The following SERPINB13 variants were observed in gnomAD, a reference collection of about 807,000 sequenced individuals.
SERPINB13 encodes the protein serpin B13.
In SERPINB13, 26 loss-of-function variants were observed where a neutral mutation model predicts 31.2. The observed-to-expected ratio is 0.83, with a 90% CI of 0.61 to 1.15. The LOEUF is 1.15. Among genes scored for constraint, SERPINB13 ranks in the 50% most tolerant of loss-of-function variants. SERPINB13 has a pLI of 0.00. For synonymous variants in SERPINB13, 191 were observed against 172.4 expected (o/e 1.11, Z -0.85); for missense variants, 510 against 469.4 (o/e 1.09, Z -0.80).
intron 5 of SERPINB13, among the ~76,000 whole-genome samples, chr18:63,593,639 C>T (rs565341497): frequency 2.0e-5 from 3 of 152,094 alleles, no homozygotes; most frequent in African/African-American, 4.8e-5. Flanking sequence ...ATAGCTGATA[C>T]TTTAGTGTTA....
chr18:63,594,649 G>A (rs976866284), intron 6 of SERPINB13, 152 bp downstream of exon 6: 2 of 819,390 alleles, frequency 2.4e-6, no homozygotes. Context: ...GACTATCCTT[G>A]CCAACATGGT....
At position 63,597,505 on chromosome 18, in the gene SERPINB13, C is replaced by T. The variant is rs1019117422; in HGVS notation, c.*142C>T. On this transcript the variant is annotated 3_prime_UTR_variant, in exon 8 of 8. Coordinates refer to ENST00000344731, the MANE Select transcript of SERPINB13 (RefSeq NM_012397.4). The stretch of plus-strand genomic sequence containing the variant: ...GGCCATCAAATCAATGATTTAATGA[C>T]TCCAATAATGTGTGTGTTTATAACC... 40 of 855,782 alleles carry T rather than the reference C, an allele frequency of 4.7e-5. No homozygotes were observed. Among genetic ancestry groups the T allele is most frequent in the Non-Finnish European group, 6.3e-5 (35 of 558,402 alleles). The allele number at this position is 855,782 out of a possible 1,614,324, so 53.0% of individuals were successfully genotyped here.
Position 63,592,208 on chromosome 18 carries a change from C to A in SERPINB13, c.226-140C>A, listed in dbSNP as rs1338219029. On this transcript the variant is annotated intron_variant, in intron 3 of 7. Transcript: ENST00000344731. The stretch of plus-strand genomic sequence containing the variant: ...GACTTGGGTAAAGGCTACCTGATAT[C>A]CAGGGGCCACATCAAACACAGGGAT... The A allele has an allele frequency of 2.8e-5, 23 of 822,306 alleles. No individual in the cohort carries two copies. The Admixed American group carries it at 6.7e-4, about 24-fold the overall frequency. 50.9% of individuals were successfully genotyped at this position (822,306 alleles called of 1,614,324 possible). A position where few individuals can be genotyped will look rare whatever the true frequency, so the allele number is the denominator to read the frequency against.
rs1419455301 is a variant in SERPINB13, at chr18:63,594,448, G to A, written c.566G>A (p.Arg189Lys). Residue 189 changes from arginine (R) to lysine (K), a missense_variant, in exon 6 of 8, where the codon AGG (arginine) becomes AAG (lysine). Arg to Lys is a conservative substitution (Grantham distance 26). Coordinates refer to ENST00000344731, the MANE Select transcript of SERPINB13 (RefSeq NM_012397.4). ...GTTTATTTTAAAGGGCAATGGGACA[G>A]GGAGTTTAAGAAAGAAAATACTAAG... is the stretch of plus-strand genomic sequence containing the variant. ...NMVYFKGQWD[R>K]EFKKENTKEE... 3.1e-6 allele frequency: 5 copies of A among 1,614,160 alleles called. No individual in the cohort carries two copies. The highest frequency in any genetic ancestry group is 1.6e-4 in the Middle Eastern group (1 of 6,062).
Position 63,595,064 on chromosome 18 carries a change from C to A in SERPINB13, c.651C>A (p.Ser217Arg), listed in dbSNP as rs775740674. Reference sequence around the variant, plus strand: ...AATCTGTACAGATGATGACACAGAGCCATTCCTTTAGCTTCACTTTCCTGG... The same window carrying A: ...AATCTGTACAGATGATGACACAGAGACATTCCTTTAGCTTCACTTTCCTGG... Reference protein sequence around the residue: ...TSKSVQMMTQSHSFSFTFLED... With the variant: ...TSKSVQMMTQRHSFSFTFLED... The change falls in exon 7 of 8, where the codon AGC (serine) becomes AGA (arginine). Residue 217 changes from serine to arginine, a missense_variant. Physicochemically the swap from Ser to Arg is moderately radical, Grantham distance 110. Transcript: ENST00000344731. The A allele has an allele frequency of 5.6e-6, 9 of 1,613,924 alleles. No homozygotes were observed. The highest frequency in any genetic ancestry group is 2.2e-5 in the East Asian group (1 of 44,884).
At chr18:63,592,324 T>A (rs370748901) in intron 3 of SERPINB13, 24 bp from the exon 4 acceptor site, 24 of 1,601,184 alleles carry the variant, frequency 1.5e-5, no homozygotes, top group Non-Finnish European at 2.0e-5. Context: ...GATAACCTGT[T>A]GAGATTTTGT....
In SERPINB13 at chr18:63,595,410, T is replaced by C. The variant is rs186489226; in HGVS notation, c.771+226T>C. On this transcript the variant is annotated intron_variant, in intron 7 of 7. Coordinates refer to ENST00000344731, the MANE Select transcript of SERPINB13 (RefSeq NM_012397.4). The stretch of plus-strand genomic sequence containing the variant: ...ATGAACTAAAATGAACATTTAAGAT[T>C]ATATGGGAGTCCTAACGATCACCCA... 4.6e-5 allele frequency among the ~76,000 whole-genome samples: 7 copies of C among 152,306 alleles called. No homozygotes were observed. In the East Asian group the frequency reaches 1.3e-3, roughly 29 times the overall value.
chr18:63,593,214 C>T (rs918705103), intron 5 of SERPINB13, among the ~76,000 whole-genome samples: 5 of 151,982 alleles, frequency 3.3e-5, no homozygotes, highest in Admixed American at 6.6e-5. Flanking sequence ...AAATGTGGAG[C>T]GGCCAAGGGG....
chr18:63,589,930 T>C (rs1056843917), intron 3 of SERPINB13: 97 of 943,542 alleles, frequency 1.0e-4, no homozygotes, highest in Non-Finnish European at 1.4e-4. Context: ...AGAAGAGACC[T>C]TAGGTGTAAT....
In SERPINB13 at chr18:63,589,632, A is replaced by G. The variant is rs766313196; in HGVS notation, c.166-24A>G. ...AGGTTTTCTCTTCTCTGAGCACCAC[A>G]GTAATATTTTCTATCTCTTCCAGGT... On this transcript the variant is annotated intron_variant, in intron 2 of 7. Transcript: ENST00000344731. 9.4e-5 allele frequency: 151 copies of G among 1,611,332 alleles called. 1 individual carries two copies. Among genetic ancestry groups the G allele is most frequent in the Non-Finnish European group, 1.2e-4 (145 of 1,178,728 alleles).
In SERPINB13 at chr18:63,589,621, C is replaced by T. The variant is rs771679618; in HGVS notation, c.166-35C>T. The T allele has an allele frequency of 1.9e-6, 3 of 1,606,406 alleles. No homozygotes were observed. The Middle Eastern group carries it at 5.0e-4, about 266-fold the overall frequency. The stretch of plus-strand genomic sequence containing the variant: ...GATTCTGTGTGAGGTTTTCTCTTCT[C>T]TGAGCACCACAGTAATATTTTCTAT... On this transcript the variant is annotated intron_variant, in intron 2 of 7. Transcript: ENST00000344731.
chr18:63,595,904 AAATAAAT>A (rs1912140203), intron 7 of SERPINB13, among the ~76,000 whole-genome samples: 2 of 8,172 alleles, frequency 2.4e-4, no homozygotes, highest in African/African-American at 1.5e-3. Context: ...TCTCAAAATT[AAATAAAT>A]AAATAAATAA....
At chr18:63,589,298 G>A (rs1911703246) in intron 2 of SERPINB13, among the ~76,000 whole-genome samples, 1 of 152,162 alleles carries the variant, frequency 6.6e-6, no homozygotes, top group African/African-American at 2.4e-5. Context: ...TGGGATTACA[G>A]GCATGAGCTT....
intron 3 of SERPINB13, among the ~76,000 whole-genome samples, chr18:63,591,244 G>A (rs1911832957): frequency 6.6e-6 from 1 of 152,020 alleles, no homozygotes; most frequent in Admixed American, 6.6e-5. Context: ...TTCTTCTTTG[G>A]AACTTGATTA....
chr18:63,592,921 C>G lies in SERPINB13; in HGVS notation c.422C>G (p.Ala141Gly). 6.2e-7 allele frequency: 1 copy of G among 1,613,112 alleles called. No homozygotes were observed. The highest frequency in any genetic ancestry group is 1.1e-5 in the South Asian group (1 of 90,930). ...GAACCTGTTGATTTTGTAAATGCAG[C>G]CGATGAAAGTCGAAAGAAGATTAAT... The part of the protein sequence containing the change: ...SLEPVDFVNA[A>G]DESRKKINSW... The change falls in exon 5 of 8, where the codon GCC (alanine) becomes GGC (glycine). Residue 141 changes from alanine to glycine, a missense_variant. Coordinates refer to ENST00000344731, the MANE Select transcript of SERPINB13 (RefSeq NM_012397.4).
Position 63,588,695 on chromosome 18 carries a change from C to T in SERPINB13, c.28C>T (p.Arg10Ter), listed in dbSNP as rs1170776406. Residue 10 changes from arginine (R) to a stop codon, truncating the protein, a stop_gained, in exon 2 of 8, where the codon CGA becomes TGA. Transcript: ENST00000344731. LOFTEE classifies it high-confidence loss of function. The stretch of plus-strand genomic sequence containing the variant: ...GGATTCACTTGGCGCCGTCAGCACT[C>T]GACTTGGGTTTGATCTTTTCAAAGA... MDSLGAVSTRLGFDLFKELK... is the reference protein window; with the variant it reads MDSLGAVST 7 of 1,614,058 alleles carry T rather than the reference C, an allele frequency of 4.3e-6. No homozygotes were observed. The South Asian group carries it at 5.5e-5, about 13-fold the overall frequency.
At chr18:63,588,888 G>A in intron 2 of SERPINB13, 56 bp downstream of exon 2, 4 of 1,555,972 alleles carry the variant, frequency 2.6e-6, no homozygotes, top group East Asian at 2.3e-5. Context: ...ATTTGGCGGG[G>A]GGGTTGTCAG....
Position 63,592,933 on chromosome 18 carries a change from G to C in SERPINB13, c.434G>C (p.Arg145Pro), listed in dbSNP as rs187247060. The C allele has an allele frequency of 8.7e-6, 14 of 1,613,166 alleles. No homozygotes were observed. Among genetic ancestry groups the C allele is most frequent in the Non-Finnish European group, 1.1e-5 (13 of 1,179,530 alleles). ...TTTGTAAATGCAGCCGATGAAAGTC[G>C]AAAGAAGATTAATTCCTGGGTTGAA... ...VDFVNAADES[R>P]KKINSWVESK... The change falls in exon 5 of 8, where the codon CGA becomes CCA. Residue 145 changes from arginine (R) to proline (P), a missense_variant. Physicochemically the swap from Arg to Pro is moderately radical, Grantham distance 103. Coordinates refer to ENST00000344731, the MANE Select transcript of SERPINB13 (RefSeq NM_012397.4).
chr18:63,588,023 G>C (rs747743908), intron 1 of SERPINB13, among the ~76,000 whole-genome samples: 1 of 152,220 alleles, frequency 6.6e-6, no homozygotes, highest in African/African-American at 2.4e-5. Context: ...CCAGAGATAT[G>C]TGGTTTCTGC....
Sources: gnomAD v4.1 joint callset for allele counts (sites outside exome capture counted in the v4.1 genomes callset) on GRCh38, gnomAD v4.1.1 for gene constraint, MANE v1.5 for transcripts, NCBI Gene and HGNC (gene_info 2026-07-23, HGNC 2026-07-21) for gene names.